The following CNTNAP2 variants were observed in gnomAD, a reference collection of about 807,000 sequenced individuals.
The protein encoded by CNTNAP2 is contactin associated protein 2.
Under a neutral mutation model 155.2 loss-of-function variants are expected in CNTNAP2, and 98 were observed. That is an observed-to-expected ratio of 0.63 (90% CI 0.54 to 0.75). The LOEUF (loss-of-function observed/expected upper bound fraction) is 0.75. Among genes scored for constraint, CNTNAP2 ranks in the 30% least tolerant of loss-of-function variants. The probability of loss-of-function intolerance (pLI) is 0.00; values close to 1 mark genes in which losing one functional copy is unlikely to be tolerated. For missense variants in CNTNAP2, 1,727 were observed against 1,688.1 expected (o/e 1.02, Z -0.40); for synonymous variants, 651 against 631.2 (o/e 1.03, Z -0.47).
intron 15 of CNTNAP2, among the ~76,000 whole-genome samples, chr7:148,015,684 C>A (rs531076681): frequency 1.3e-5 from 2 of 152,346 alleles, no homozygotes; most frequent in South Asian, 4.1e-4. Flanking sequence ...ACACCAACCA[C>A]TTTCATCCTC....
intron 1 of CNTNAP2, among the ~76,000 whole-genome samples, chr7:146,571,822 C>T (rs950857910): frequency 6.6e-6 from 1 of 151,912 alleles, no homozygotes; most frequent in South Asian, 2.1e-4. Context: ...ACCTCCGACT[C>T]CCAGGTTCAA....
At chr7:146,753,558 C>A (rs538347437) in intron 1 of CNTNAP2, among the ~76,000 whole-genome samples, 1 of 152,004 alleles carries the variant, frequency 6.6e-6, no homozygotes, top group Admixed American at 6.6e-5. Flanking sequence ...ATATTCTATA[C>A]TCAATTGTAT....
chr7:147,522,523 G>C (rs1180982834), intron 11 of CNTNAP2, among the ~76,000 whole-genome samples: 1 of 151,732 alleles, frequency 6.6e-6, no homozygotes, highest in African/African-American at 2.4e-5. Flanking sequence ...AGTTGTAGCA[G>C]AGCCTATAAA....
chr7:146,913,910 A>G (rs1222940950), intron 3 of CNTNAP2, among the ~76,000 whole-genome samples: 1 of 151,512 alleles, frequency 6.6e-6, no homozygotes, highest in Non-Finnish European at 1.5e-5. Context: ...CCACCCTCCT[A>G]CCCTTTCCCC....
intron 1 of CNTNAP2, among the ~76,000 whole-genome samples, chr7:146,557,951 A>G (rs1022893712): frequency 6.6e-6 from 1 of 152,232 alleles, no homozygotes; most frequent in Non-Finnish European, 1.5e-5. Context: ...CAACATTTTC[A>G]AACACTTATT....
intron 1 of CNTNAP2, among the ~76,000 whole-genome samples, chr7:146,203,972 G>T (rs1798906412): frequency 1.3e-5 from 2 of 151,998 alleles, no homozygotes; most frequent in South Asian, 4.2e-4. Context: ...ATTATATACT[G>T]TACCTTTACT....
At chr7:146,319,001 C>T (rs867146589) in intron 1 of CNTNAP2, among the ~76,000 whole-genome samples, 2 of 152,008 alleles carry the variant, frequency 1.3e-5, no homozygotes, top group South Asian at 4.1e-4. Flanking sequence ...AAAACTGAGG[C>T]ACAAAAGGTA....
At chr7:146,856,791 C>A (rs1006963438) in intron 3 of CNTNAP2, among the ~76,000 whole-genome samples, 1 of 151,964 alleles carries the variant, frequency 6.6e-6, no homozygotes, top group Non-Finnish European at 1.5e-5. Context: ...AAAGTCAAAC[C>A]AAAATTGAAG....
chr7:148,053,685 C>T (rs915282581), intron 15 of CNTNAP2, among the ~76,000 whole-genome samples: 11 of 152,066 alleles, frequency 7.2e-5, no homozygotes, highest in African/African-American at 2.4e-4. Context: ...AAATCTGGGA[C>T]ATTTTTTGCT....
intron 21 of CNTNAP2, among the ~76,000 whole-genome samples, chr7:148,331,739 G>A (rs77052680): frequency 0.019 from 263 of 14,100 alleles, no homozygotes; most frequent in Middle Eastern, 0.036. Context: ...TGGATGGAGT[G>A]GATGGATGGA....
intron 3 of CNTNAP2, among the ~76,000 whole-genome samples, chr7:147,042,706 T>C (rs1405585032): frequency 6.6e-6 from 1 of 152,150 alleles, no homozygotes; most frequent in Admixed American, 6.6e-5. Context: ...AACAATGTAA[T>C]ATAATGCCTG....
rs1798996245 is a variant in CNTNAP2, at chr7:148,379,050, C to G, written c.3476-4599C>G. ...CCATATGCTGTGTCAGGGCTGGAAC[C>G]AGGTTTGGCCATCTGTGTTGACCCC... On this transcript the variant is annotated intron_variant, in intron 21 of 23. Coordinates refer to ENST00000361727, the MANE Select transcript of CNTNAP2 (RefSeq NM_014141.6). Among the ~76,000 whole-genome samples the G allele has an allele frequency of 3.0e-5, 2 of 66,796 alleles. 1 individual carries two copies. The highest frequency in any genetic ancestry group is 4.3e-4 in the Admixed American group (2 of 4,694). 43.8% of individuals were successfully genotyped at this position (66,796 alleles called of 152,430 possible).
At chr7:146,909,404 A>G (rs1256758055) in intron 3 of CNTNAP2, among the ~76,000 whole-genome samples, 6 of 109,734 alleles carry the variant, frequency 5.5e-5, no homozygotes, top group Admixed American at 1.0e-4. Flanking sequence ...AAAATCCTCA[A>G]TAAAATACTG....
At chr7:146,579,326 T>G (rs957884269) in intron 1 of CNTNAP2, among the ~76,000 whole-genome samples, 1 of 152,144 alleles carries the variant, frequency 6.6e-6, no homozygotes, top group Non-Finnish European at 1.5e-5. Context: ...ATAGGATCTA[T>G]AAACCTAAAT....
chr7:147,595,415 A>G (rs1800809620), intron 12 of CNTNAP2, among the ~76,000 whole-genome samples: 1 of 152,194 alleles, frequency 6.6e-6, no homozygotes, highest in Non-Finnish European at 1.5e-5. Flanking sequence ...GAAATATTGT[A>G]CAGGTCTGGA....
At chr7:147,371,223 T>C (rs1454213540) in intron 9 of CNTNAP2, among the ~76,000 whole-genome samples, 1 of 152,150 alleles carries the variant, frequency 6.6e-6, no homozygotes, top group Non-Finnish European at 1.5e-5. Context: ...ATATATATCA[T>C]ACGGATTTGG....
intron 3 of CNTNAP2, among the ~76,000 whole-genome samples, chr7:146,899,172 T>C (rs533256513): frequency 6.6e-6 from 1 of 152,278 alleles, no homozygotes; most frequent in Admixed American, 6.5e-5. Flanking sequence ...CTATCTGCTT[T>C]CTCTTCTTAT....
At chr7:147,287,648 A>C (rs1222163331) in intron 8 of CNTNAP2, among the ~76,000 whole-genome samples, 3 of 151,892 alleles carry the variant, frequency 2.0e-5, no homozygotes, top group Non-Finnish European at 4.4e-5. Context: ...TCCAGACTAC[A>C]TTTTTTTCTT....
intron 12 of CNTNAP2, among the ~76,000 whole-genome samples, chr7:147,586,649 C>T (rs1800632299): frequency 6.6e-6 from 1 of 151,664 alleles, no homozygotes; most frequent in South Asian, 2.1e-4. Flanking sequence ...AACGGAAATA[C>T]CCTTCACAGC....
Sources: gnomAD v4.1 joint callset for allele counts (sites outside exome capture counted in the v4.1 genomes callset) on GRCh38, gnomAD v4.1.1 for gene constraint, MANE v1.5 for transcripts, NCBI Gene and HGNC (gene_info 2026-07-23, HGNC 2026-07-21) for gene names.